ARHGEF33: variants seen among roughly 807,000 people sequenced by gnomAD.
ARHGEF33 encodes Rho guanine nucleotide exchange factor 33.
Under a neutral mutation model 101.9 loss-of-function variants are expected in ARHGEF33, and 72 were observed. That is an observed-to-expected ratio of 0.71 (90% CI 0.58 to 0.86). ARHGEF33 has a LOEUF of 0.86. Among genes scored for constraint, ARHGEF33 ranks in the 40% least tolerant of loss-of-function variants. The pLI is 0.00. For missense variants in ARHGEF33, 1,169 were observed against 1,111.3 expected, an observed-to-expected ratio of 1.05 and a Z score of -0.74; for synonymous variants, 499 against 442.5, an observed-to-expected ratio of 1.13 and a Z score of -1.60.
chr2:38,972,297 G>A lies in ARHGEF33; in HGVS notation c.2484-1417G>A, dbSNP rs926309571. Among the ~76,000 whole-genome samples, 7 of 152,306 alleles carry A rather than the reference G, an allele frequency of 4.6e-5. No individual in the cohort carries two copies. The East Asian group carries it at 1.3e-3, about 29-fold the overall frequency. On this transcript the variant is annotated intron_variant, in intron 17 of 17. Transcript: ENST00000409978. ...GGGGGATCTGTGAAAGACAAGAGAA[G>A]GCCCGGAGTTTTAGGGTGGGCCATG...
intron 2 of ARHGEF33, among the ~76,000 whole-genome samples, chr2:38,896,929 T>C (rs1666134896): frequency 6.6e-6 from 1 of 152,166 alleles, no homozygotes; most frequent in African/African-American, 2.4e-5. Context: ...TTTTTTTCTT[T>C]TTTTGAGACT....
chr2:38,910,915 A>G (rs1666495613), intron 2 of ARHGEF33, among the ~76,000 whole-genome samples: 1 of 152,224 alleles, frequency 6.6e-6, no homozygotes, highest in South Asian at 2.1e-4. Context: ...AGAGAAACAT[A>G]GAAAGACTAC....
In ARHGEF33 at chr2:38,960,022, C is replaced by A; in HGVS notation, c.1717C>A (p.Gln573Lys). ...CGTGAAGGCGCTGGCCGGGCCCCTG[C>A]AGGCCATCCCGGAGATGGACTTCGA... ...QDVKALAGPL[Q>K]AIPEMDFESS... Residue 573 changes from glutamine to lysine, a missense_variant, in exon 16 of 18, where the codon CAG becomes AAG. Physicochemically the swap from Gln to Lys is moderately conservative, Grantham distance 53. Transcript: ENST00000409978. 1.3e-6 allele frequency: 2 copies of A among 1,546,914 alleles called. No homozygotes were observed. The highest frequency in any genetic ancestry group is 1.2e-5 in the South Asian group (1 of 83,890).
chr2:38,966,804 C>T (rs1168387203), intron 17 of ARHGEF33, among the ~76,000 whole-genome samples: 2 of 152,186 alleles, frequency 1.3e-5, no homozygotes, highest in Non-Finnish European at 2.9e-5. Context: ...GTCTTACAGT[C>T]TGGGAGGCAG....
chr2:38,918,632 A>T (rs189903360), intron 2 of ARHGEF33, among the ~76,000 whole-genome samples: 19 of 152,328 alleles, frequency 1.2e-4, no homozygotes, highest in African/African-American at 4.3e-4. Context: ...TCCTGGGTGC[A>T]AAGGAGTCTA....
chr2:38,965,938 T>A, intron 16 of ARHGEF33, 68 bp from the exon 17 acceptor site: 1 of 1,523,158 alleles, frequency 6.6e-7, no homozygotes, highest in Non-Finnish European at 8.8e-7. Flanking sequence ...CACAAAATTG[T>A]CCCATAGTCA....
rs115384374 is a variant in ARHGEF33 at position 38,903,576 on chromosome 2, C to T, written c.-86+7727C>T. 2.4e-3 allele frequency among the ~76,000 whole-genome samples: 372 copies of T among 152,108 alleles called. 3 individuals carry two copies. Among genetic ancestry groups the T allele is most frequent in the African/African-American group, 8.5e-3 (351 of 41,512 alleles). The stretch of plus-strand genomic sequence containing the variant: ...TTAAGAAGAAAGAAGTGGGCAAACA[C>T]CAGGCAGTAAGGATTCTAAGGTGCA... On this transcript the variant is annotated intron_variant, in intron 2 of 17. Transcript: ENST00000409978.
At chr2:38,942,309 G>A (rs1348410691) in intron 9 of ARHGEF33, among the ~76,000 whole-genome samples, 2 of 151,170 alleles carry the variant, frequency 1.3e-5, no homozygotes, top group Non-Finnish European at 2.9e-5. Context: ...CTGGACGACA[G>A]GTGCACACCA....
intron 9 of ARHGEF33, among the ~76,000 whole-genome samples, chr2:38,942,455 C>CA (rs1667338071): frequency 7.2e-6 from 1 of 139,540 alleles, no homozygotes; most frequent in African/African-American, 2.7e-5. Context: ...CCACCACGCC[C>CA]AGCCCCTCTT....
At chr2:38,944,898 TGTGC>T (rs1667403221) in intron 10 of ARHGEF33, among the ~76,000 whole-genome samples, 6 of 151,894 alleles carry the variant, frequency 4.0e-5, no homozygotes, top group South Asian at 2.1e-4. Flanking sequence ...TGTGTGTGTG[TGTGC>T]GCGCTCATAG....
In ARHGEF33 at chr2:38,931,182, A is replaced by G; in HGVS notation, c.436A>G (p.Asn146Asp). ...ACAAGGAAGTCCTTTTCGTTCTATC[A>G]ATATCCCTGAGCCTGTTCTTCCAAG... ...QAQGSPFRSINIPEPVLPSED... is the reference protein window; with the variant it reads ...QAQGSPFRSIDIPEPVLPSED... Residue 146 changes from asparagine to aspartate, a missense_variant, in exon 7 of 18, where the codon AAT becomes GAT. Transcript: ENST00000409978. 6.4e-7 allele frequency: 1 copy of G among 1,551,636 alleles called. No individual in the cohort carries two copies. Among genetic ancestry groups the G allele is most frequent in the South Asian group, 1.2e-5 (1 of 84,058 alleles).
intron 7 of ARHGEF33, among the ~76,000 whole-genome samples, chr2:38,935,327 C>A (rs1480195939): frequency 1.3e-5 from 2 of 148,192 alleles, no homozygotes; most frequent in Non-Finnish European, 3.0e-5. Context: ...ACCACAGGCA[C>A]ATACCACCAT....
chr2:38,938,628 A>G (rs766938204), intron 9 of ARHGEF33, among the ~76,000 whole-genome samples: 5 of 152,234 alleles, frequency 3.3e-5, no homozygotes, highest in Non-Finnish European at 5.9e-5. Flanking sequence ...CTTACATTTA[A>G]GCTAATAGAC....
chr2:38,903,470 A>G (rs1010133704), intron 2 of ARHGEF33, among the ~76,000 whole-genome samples: 2 of 151,494 alleles, frequency 1.3e-5, no homozygotes, highest in African/African-American at 4.9e-5. Context: ...AAAGCCCATC[A>G]CATAATTTGT....
chr2:38,951,198 A>G, intron 11 of ARHGEF33, 77 bp downstream of exon 11: 1 of 1,396,664 alleles, frequency 7.2e-7, no homozygotes, highest in Non-Finnish European at 9.8e-7. Context: ...CTTAATAGAG[A>G]ATCTAGAAGC....
chr2:38,928,125 A>G (rs114822816), intron 4 of ARHGEF33, among the ~76,000 whole-genome samples: 328 of 152,312 alleles, frequency 2.2e-3, no homozygotes, highest in African/African-American at 7.6e-3. Context: ...AAACTGCTAC[A>G]AAAAAGTTAA....
At chr2:38,909,901 C>T (rs1666472347) in intron 2 of ARHGEF33, among the ~76,000 whole-genome samples, 1 of 151,700 alleles carries the variant, frequency 6.6e-6, no homozygotes, top group African/African-American at 2.4e-5. Flanking sequence ...AGTTTTATAA[C>T]CATTAATTTT....
chr2:38,950,748 G>A (rs1667578977), intron 10 of ARHGEF33, among the ~76,000 whole-genome samples: 1 of 152,036 alleles, frequency 6.6e-6, no homozygotes, highest in Non-Finnish European at 1.5e-5. Flanking sequence ...CTCTTTATTA[G>A]TTCAATACAC....
chr2:38,908,872 T>C (rs1178206980), intron 2 of ARHGEF33, among the ~76,000 whole-genome samples: 2 of 152,222 alleles, frequency 1.3e-5, no homozygotes, highest in African/African-American at 4.8e-5. Context: ...ATAGGCCTTT[T>C]TTCCTAATAA....
Sources: allele counts gnomAD v4.1 joint callset (sites outside exome capture counted in the v4.1 genomes callset), GRCh38; gene constraint gnomAD v4.1.1; transcripts MANE v1.5; gene names NCBI Gene and HGNC (gene_info 2026-07-23, HGNC 2026-07-21).